Variants in PRLR observed in about 807,000 individuals in gnomAD.
PRLR encodes the protein hPRL receptor.
In PRLR, 13 loss-of-function variants were observed where a neutral mutation model predicts 40.2. The observed-to-expected ratio is 0.32, with a 90% CI of 0.21 to 0.51. PRLR has a LOEUF of 0.51. Among genes scored for constraint, PRLR ranks in the 20% least tolerant of loss-of-function variants. The pLI is 0.97. For missense variants in PRLR, 656 were observed against 747.3 expected, an observed-to-expected ratio of 0.88 and a Z score of 1.42; for synonymous variants, 269 against 278.7, an observed-to-expected ratio of 0.97 and a Z score of 0.35.
At chr5:35,048,900 C>T (rs911831666) in exon 9 of PRLR, 9 of 337,330 alleles carry the variant, frequency 2.7e-5, no homozygotes, top group Middle Eastern at 1.1e-3. Context: ...ACTAGGGGGT[C>T]GAGGGACTGG....
chr5:35,065,727 A>C lies in PRLR; in HGVS notation c.1231T>G (p.Ser411Ala). ...GGTAAGGGCCATGTTGAACATTTGG[A>C]TCCACCAGCATGAAAATAGGGGATT... Reference protein sequence around the residue: ...GKIPYFHAGGSKCSTWPLPQP... With the variant: ...GKIPYFHAGGAKCSTWPLPQP... The change falls in exon 10 of 10, where the codon TCC becomes GCC. Residue 411 changes from serine (S) to alanine (A), a missense_variant. Coordinates refer to ENST00000618457, the MANE Select transcript of PRLR (RefSeq NM_000949.7). The C allele has an allele frequency of 6.2e-7, 1 of 1,614,032 alleles. No individual in the cohort carries two copies.
intron 1 of PRLR, among the ~76,000 whole-genome samples, chr5:35,202,744 C>T: frequency 6.6e-6 from 1 of 152,080 alleles, no homozygotes; most frequent in East Asian, 1.9e-4. Flanking sequence ...CTCCTTTCTA[C>T]TTTAAAAAAA....
intron 1 of PRLR, among the ~76,000 whole-genome samples, chr5:35,207,893 T>C (rs1399019464): frequency 6.6e-6 from 1 of 152,180 alleles, no homozygotes; most frequent in Non-Finnish European, 1.5e-5. Flanking sequence ...GATGCATGCA[T>C]TACCAGTTTA....
At chr5:35,149,670 G>A (rs1309816308) in intron 1 of PRLR, among the ~76,000 whole-genome samples, 2 of 152,114 alleles carry the variant, frequency 1.3e-5, no homozygotes, top group Non-Finnish European at 2.9e-5. Context: ...TACAATATTT[G>A]TAGTGTGTGC....
At chr5:35,199,291 C>G (rs1033498551) in intron 1 of PRLR, among the ~76,000 whole-genome samples, 1 of 152,176 alleles carries the variant, frequency 6.6e-6, no homozygotes, top group African/African-American at 2.4e-5. Context: ...CCGTGTAATG[C>G]TGTGGACATT....
intron 5 of PRLR, among the ~76,000 whole-genome samples, chr5:35,076,563 A>G (rs542118411): frequency 5.9e-5 from 9 of 152,332 alleles, no homozygotes; most frequent in East Asian, 3.9e-4. Flanking sequence ...CCAAATCGAC[A>G]TCTGATTGGT....
chr5:35,115,507 A>G (rs928791093), intron 2 of PRLR, among the ~76,000 whole-genome samples: 14 of 152,144 alleles, frequency 9.2e-5, no homozygotes, highest in African/African-American at 3.4e-4. Flanking sequence ...ATGAACTTCA[A>G]AACACAGCCT....
chr5:35,191,504 G>A lies in PRLR; in HGVS notation c.-106+38764C>T, dbSNP rs188061666. 4.6e-4 allele frequency among the ~76,000 whole-genome samples: 70 copies of A among 152,244 alleles called. No homozygotes were observed. In the East Asian group the frequency reaches 7.9e-3, roughly 17 times the overall value. Reference sequence around the variant, plus strand: ...TTCTAGCCTATTTTATTATAACAGCGTCCTAAGTGTTCTCCATGTCATCTG... The same window carrying A: ...TTCTAGCCTATTTTATTATAACAGCATCCTAAGTGTTCTCCATGTCATCTG... On this transcript the variant is annotated intron_variant, in intron 1 of 9. Coordinates refer to ENST00000618457, the MANE Select transcript of PRLR (RefSeq NM_000949.7).
At chr5:35,216,001 G>A (rs1394764470) in intron 1 of PRLR, among the ~76,000 whole-genome samples, 1 of 151,450 alleles carries the variant, frequency 6.6e-6, no homozygotes, top group African/African-American at 2.4e-5. Context: ...TTGCGCCACT[G>A]CACTGCAGCC....
At chr5:35,204,265 A>G (rs1164776918) in intron 1 of PRLR, among the ~76,000 whole-genome samples, 1 of 151,996 alleles carries the variant, frequency 6.6e-6, no homozygotes, top group Admixed American at 6.6e-5. Flanking sequence ...AAACACACAC[A>G]AGAAGATCAG....
chr5:35,161,669 C>T (rs376404530), intron 1 of PRLR, among the ~76,000 whole-genome samples: 6 of 152,290 alleles, frequency 3.9e-5, no homozygotes, highest in African/African-American at 9.6e-5. Flanking sequence ...CTGGAATAAT[C>T]GGTGAGGTTC....
chr5:35,146,089 T>A (rs58497117), intron 1 of PRLR, among the ~76,000 whole-genome samples: 1 of 152,198 alleles, frequency 6.6e-6, no homozygotes. Flanking sequence ...TCTACGATGA[T>A]GGCATTCTTA....
At chr5:35,223,006 G>T (rs979613790) in intron 1 of PRLR, among the ~76,000 whole-genome samples, 3 of 152,330 alleles carry the variant, frequency 2.0e-5, no homozygotes, top group Admixed American at 2.0e-4. Context: ...ACTTAGCTAG[G>T]ATCCACTATA....
intron 2 of PRLR, among the ~76,000 whole-genome samples, chr5:35,107,719 T>C (rs1772361421): frequency 6.6e-6 from 1 of 152,046 alleles, no homozygotes; most frequent in Non-Finnish European, 1.5e-5. Flanking sequence ...GGCTCTGAAA[T>C]CGAGGCAATA....
At chr5:35,167,142 T>TATCTATCC (rs780520586) in intron 1 of PRLR, among the ~76,000 whole-genome samples, 6 of 38,116 alleles carry the variant, frequency 1.6e-4, no homozygotes, top group Non-Finnish European at 2.7e-4. Flanking sequence ...GTCTATCATC[T>TATCTATCC]ATCTATCTAT....
chr5:35,053,360 A>T (rs1487270378), downstream of PRLR, among the ~76,000 whole-genome samples: 1 of 152,266 alleles, frequency 6.6e-6, no homozygotes, highest in East Asian at 1.9e-4. Context: ...TCAGTATTAA[A>T]ACATCAGTGG....
chr5:35,091,187 G>A (rs978635066), intron 2 of PRLR, among the ~76,000 whole-genome samples: 37 of 151,898 alleles, frequency 2.4e-4, no homozygotes, highest in African/African-American at 8.2e-4. Flanking sequence ...GAGGTGACCC[G>A]TATTTTGTTC....
rs758085882 is a variant in PRLR at position 35,065,330 on chromosome 5, T to C, written c.1628A>G (p.Asn543Ser). The C allele has an allele frequency of 1.9e-6, 3 of 1,614,174 alleles. No homozygotes were observed. The highest frequency in any genetic ancestry group is 1.1e-5 in the South Asian group (1 of 91,074). ...KPKKPGTPEN[N>S]KEYAKVSGVM... ...CCCGGACACCTTGGCATACTCCTTA[T>C]TGTTCTCAGGAGTCCCGGGCTTCTT... The change falls in exon 10 of 10, where the codon AAT becomes AGT. Residue 543 changes from asparagine to serine, a missense_variant. Coordinates refer to ENST00000618457, the MANE Select transcript of PRLR (RefSeq NM_000949.7).
Position 35,064,377 on chromosome 5 carries a change from G to A in PRLR, c.*712C>T, listed in dbSNP as rs1769219318. On this transcript the variant is annotated 3_prime_UTR_variant, in exon 10 of 10. Transcript: ENST00000618457. ...ATGAAGGAGGAAAACATCCTAAAGG[G>A]ATTCACATGAAATTCATTTGCCCCT... The A allele has an allele frequency of 6.6e-6, 1 of 152,098 alleles. No homozygotes were observed. The highest frequency in any genetic ancestry group is 1.5e-5 in the Non-Finnish European group (1 of 68,018). The allele number at this position is 152,098 out of a possible 1,614,324, so 9.4% of individuals were successfully genotyped here.
Sources: gnomAD v4.1 joint callset for allele counts (sites outside exome capture counted in the v4.1 genomes callset) on GRCh38, gnomAD v4.1.1 for gene constraint, MANE v1.5 for transcripts, NCBI Gene and HGNC (gene_info 2026-07-23, HGNC 2026-07-21) for gene names.